Variants in HMCN1 observed in about 807,000 individuals in gnomAD.
The protein encoded by HMCN1 is hemicentin 1.
In HMCN1, 321 loss-of-function variants were observed where a neutral mutation model predicts 625.9. That is an observed-to-expected ratio of 0.51 (90% CI 0.47 to 0.56). The LOEUF (loss-of-function observed/expected upper bound fraction) is 0.56, where lower values mean the gene tolerates loss of function less well. Among genes scored for constraint, HMCN1 ranks in the 20% least tolerant of loss-of-function variants. HMCN1 has a pLI of 0.00. For missense variants in HMCN1, 6,588 were observed against 6,887.3 expected (o/e 0.96, Z 1.54); for synonymous variants, 2,425 against 2,417.6 (o/e 1.00, Z -0.09).
At chr1:186,173,185 A>C (rs1457198196) in intron 102 of HMCN1, among the ~76,000 whole-genome samples, 2 of 152,204 alleles carry the variant, frequency 1.3e-5, no homozygotes, top group Non-Finnish European at 2.9e-5. Context: ...ATAAAATATT[A>C]ATAAAATTAT....
intron 14 of HMCN1, among the ~76,000 whole-genome samples, chr1:185,969,816 GC>G (rs1650684901): frequency 6.6e-6 from 1 of 152,186 alleles, no homozygotes. Context: ...GAAAGGAGAT[GC>G]CCTGGAGGAG....
intron 29 of HMCN1, among the ~76,000 whole-genome samples, chr1:186,005,184 TATAA>T (rs1653490887): frequency 6.8e-6 from 1 of 147,610 alleles, no homozygotes; most frequent in African/African-American, 2.5e-5. Flanking sequence ...TATAAATGTT[TATAA>T]ACAATTTTTT....
chr1:185,783,369 C>T (rs944021832), intron 1 of HMCN1, among the ~76,000 whole-genome samples: 3 of 152,206 alleles, frequency 2.0e-5, no homozygotes, highest in Non-Finnish European at 4.4e-5. Context: ...CTCCATCCAG[C>T]TTTGTTTTGT....
In HMCN1 at chr1:185,865,838, A is replaced by T; in HGVS notation, c.596A>T (p.His199Leu). The stretch of plus-strand genomic sequence containing the variant: ...TCTACAAGTTCTGGTCAAGTGTTCC[A>T]TCTGGACAAAAAACAAGTTAATGAG... ...IASTSSGQVF[H>L]LDKKQVNEVL... The change falls in exon 4 of 107, where the codon CAT (histidine) becomes CTT (leucine). Residue 199 changes from histidine (H) to leucine (L), a missense_variant. Transcript: ENST00000271588. 6.2e-7 allele frequency: 1 copy of T among 1,613,576 alleles called. No individual in the cohort carries two copies. The highest frequency in any genetic ancestry group is 8.5e-7 in the Non-Finnish European group (1 of 1,179,812).
chr1:186,018,458 T>A lies in HMCN1; in HGVS notation c.5470+106T>A. The stretch of plus-strand genomic sequence containing the variant: ...AATAATGTGAATAAATCCTGAGTTG[T>A]GGAAGGTAGTGTAAAGGATGTGAAT... On this transcript the variant is annotated intron_variant, in intron 34 of 106. Transcript: ENST00000271588. 3.5e-6 allele frequency: 4 copies of A among 1,152,206 alleles called. No homozygotes were observed. The South Asian group carries it at 3.8e-5, about 11-fold the overall frequency. 71.4% of individuals were successfully genotyped at this position (1,152,206 alleles called of 1,614,324 possible).
chr1:186,163,700 T>A (rs1651679624), intron 97 of HMCN1, among the ~76,000 whole-genome samples: 1 of 152,206 alleles, frequency 6.6e-6, no homozygotes, highest in African/African-American at 2.4e-5. Context: ...CATTCAAAGC[T>A]TAGATAATTA....
At chr1:185,757,338 G>T (rs568610178) in intron 1 of HMCN1, among the ~76,000 whole-genome samples, 3 of 152,068 alleles carry the variant, frequency 2.0e-5, no homozygotes, top group Non-Finnish European at 4.4e-5. Context: ...TGGCCCGATC[G>T]CCTCTCTCTG....
chr1:185,789,147 C>T (rs1657822946), intron 1 of HMCN1, among the ~76,000 whole-genome samples: 1 of 152,134 alleles, frequency 6.6e-6, no homozygotes, highest in Admixed American at 6.6e-5. Context: ...TAGTCATAAA[C>T]AATGGTACCT....
At chr1:185,827,623 G>A (rs143485731) in intron 1 of HMCN1, among the ~76,000 whole-genome samples, 1 of 152,056 alleles carries the variant, frequency 6.6e-6, no homozygotes, top group Non-Finnish European at 1.5e-5. Flanking sequence ...GGTAGCTATA[G>A]AAGACAGGCA....
At chr1:185,814,942 T>C (rs953667312) in intron 1 of HMCN1, among the ~76,000 whole-genome samples, 3 of 150,094 alleles carry the variant, frequency 2.0e-5, no homozygotes, top group African/African-American at 7.6e-5. Flanking sequence ...TCCACCCACC[T>C]CGGCCTCCCA....
intron 83 of HMCN1, among the ~76,000 whole-genome samples, chr1:186,129,213 A>AT: frequency 6.8e-6 from 1 of 147,392 alleles, no homozygotes; most frequent in Non-Finnish European, 1.5e-5. Flanking sequence ...AAAAAAAAAA[A>AT]CTTAAATGAG....
At position 186,189,817 on chromosome 1, in the gene HMCN1, G is replaced by C; in HGVS notation, c.16847G>C (p.Gly5616Ala). Residue 5616 changes from glycine to alanine, a missense_variant, in exon 107 of 107, where the codon GGG (glycine) becomes GCG (alanine). Coordinates refer to ENST00000271588, the MANE Select transcript of HMCN1 (RefSeq NM_031935.3). ...RVRASSYSAN[G>A]TIEYQTTFIV... ...CGAGCCTCATCCTACAGTGCCAATG[G>C]GACCATTGAATATCAGACCACATTC... The C allele has an allele frequency of 1.9e-6, 3 of 1,613,712 alleles. No individual in the cohort carries two copies. Among genetic ancestry groups the C allele is most frequent in the Non-Finnish European group, 2.5e-6 (3 of 1,179,804 alleles).
chr1:185,803,979 G>A (rs1658998500), intron 1 of HMCN1, among the ~76,000 whole-genome samples: 1 of 151,896 alleles, frequency 6.6e-6, no homozygotes, highest in African/African-American at 2.4e-5. Flanking sequence ...TAAATTATTT[G>A]TCTTTATTTT....
chr1:186,119,663 G>T, intron 78 of HMCN1, 82 bp from the exon 79 acceptor site: 1 of 1,361,788 alleles, frequency 7.3e-7, no homozygotes, highest in Non-Finnish European at 1.0e-6. Context: ...ATGAATTTGG[G>T]TATTTTTAAG....
intron 94 of HMCN1, 122 bp downstream of exon 94, chr1:186,151,471 C>T (rs1650660587): frequency 1.6e-6 from 2 of 1,267,926 alleles, no homozygotes; most frequent in Non-Finnish European, 2.3e-6. Flanking sequence ...TTTAAACAAA[C>T]ATACATGAGG....
chr1:186,052,898 TATG>T lies in HMCN1; in HGVS notation c.6578-52_6578-50del. On this transcript the variant is annotated intron_variant, in intron 42 of 106. Coordinates refer to ENST00000271588, the MANE Select transcript of HMCN1 (RefSeq NM_031935.3). ...GCCTTTTATCTTACATGTAAACTGT[TATG>T]AGAATTCTATATGAAATGAGTGGAA... 2.1e-6 allele frequency: 3 copies of T among 1,429,252 alleles called. No homozygotes were observed. The Admixed American group carries it at 5.0e-5, about 24-fold the overall frequency. 88.5% of individuals were successfully genotyped at this position (1,429,252 alleles called of 1,614,324 possible). A position where few individuals can be genotyped will look rare whatever the true frequency, so the allele number is the denominator to read the frequency against.
rs377409065 is a variant in HMCN1 at position 185,949,367 on chromosome 1, C to G, written c.1829-13151C>G. Among the ~76,000 whole-genome samples the G allele has an allele frequency of 2.0e-5, 3 of 151,652 alleles. 1 individual carries two copies. The highest frequency in any genetic ancestry group is 7.3e-5 in the African/African-American group (3 of 41,118). Reference sequence around the variant, plus strand: ...GAGACTGGGGCCTAATAAAAAGGAGCGTGTATACAGGAGCTCAAATGGGCT... The same window carrying G: ...GAGACTGGGGCCTAATAAAAAGGAGGGTGTATACAGGAGCTCAAATGGGCT... On this transcript the variant is annotated intron_variant, in intron 11 of 106. Coordinates refer to ENST00000271588, the MANE Select transcript of HMCN1 (RefSeq NM_031935.3).
intron 1 of HMCN1, among the ~76,000 whole-genome samples, chr1:185,819,237 C>CAAA (rs575598587): frequency 8.0e-6 from 1 of 125,142 alleles, no homozygotes. Context: ...ATCTCCATCT[C>CAAA]AAAAAAAAAA....
intron 1 of HMCN1, among the ~76,000 whole-genome samples, chr1:185,811,588 C>T (rs568807852): frequency 2.6e-5 from 4 of 151,802 alleles, no homozygotes; most frequent in East Asian, 3.9e-4. Context: ...AGAGCAAGAC[C>T]CTGTCTCTTG....
Sources: allele counts gnomAD v4.1 joint callset (sites outside exome capture counted in the v4.1 genomes callset), GRCh38; gene constraint gnomAD v4.1.1; transcripts MANE v1.5; gene names NCBI Gene and HGNC (gene_info 2026-07-23, HGNC 2026-07-21).